SGCD: variants seen among roughly 807,000 people sequenced by gnomAD.
SGCD encodes the protein sarcoglycan delta.
In SGCD, 18 loss-of-function variants were observed where a neutral mutation model predicts 36.6. The observed-to-expected ratio is 0.49, with a 90% CI of 0.34 to 0.73. The LOEUF (loss-of-function observed/expected upper bound fraction) is 0.73, where lower values mean the gene tolerates loss of function less well. SGCD is among the 30% of genes least tolerant of loss of function. The pLI, the probability that SGCD is intolerant of heterozygous loss-of-function variation, is 0.01. For synonymous variants in SGCD, 133 were observed against 130.6 expected (o/e 1.02, Z -0.12); for missense variants, 387 against 346.7 (o/e 1.12, Z -0.92).
At chr5:156,670,339 A>T (rs1407082057) in intron 7 of SGCD, among the ~76,000 whole-genome samples, 1 of 152,164 alleles carries the variant, frequency 6.6e-6, no homozygotes, top group Non-Finnish European at 1.5e-5. Context: ...AAATAGAGTA[A>T]TGTGATTTTA....
At chr5:156,129,110 G>A (rs1453678785) in intron 3 of SGCD, among the ~76,000 whole-genome samples, 1 of 152,132 alleles carries the variant, frequency 6.6e-6, no homozygotes, top group Non-Finnish European at 1.5e-5. Context: ...GAAATGTTCT[G>A]TGTCTTGATA....
intron 3 of SGCD, among the ~76,000 whole-genome samples, chr5:156,484,652 C>A (rs1421272865): frequency 2.6e-5 from 4 of 152,058 alleles, no homozygotes; most frequent in Non-Finnish European, 5.9e-5. Flanking sequence ...TATTCCTGTA[C>A]CTGGTCTCAT....
intron 1 of SGCD, among the ~76,000 whole-genome samples, chr5:155,874,951 A>C (rs1017439949): frequency 6.6e-6 from 1 of 152,146 alleles, no homozygotes; most frequent in South Asian, 2.1e-4. Flanking sequence ...TCCACATAAA[A>C]GAACTGTAGA....
the SGCD span, among the ~76,000 whole-genome samples, chr5:155,737,911 G>A: frequency 1.2e-4 from 18 of 152,068 alleles, no homozygotes; most frequent in Admixed American, 1.2e-3. Context: ...TGGTGTAATG[G>A]GACAGTGGGG....
rs746728739 is a variant in SGCD, at chr5:156,281,071, C to T, written c.-43-48463C>T. On this transcript the variant is annotated intron_variant, in intron 3 of 9. Transcript: ENST00000517913. ...ACATTAATTGTGTACATACAGAATT[C>T]GAGGGACTATCTAAGTGATGTTTAT... Among the ~76,000 whole-genome samples the T allele has an allele frequency of 3.9e-4, 59 of 152,006 alleles. 1 individual carries two copies. The highest frequency in any genetic ancestry group is 2.6e-3 in the Admixed American group (39 of 15,250).
rs143262199 is a variant in SGCD at position 156,565,463 on chromosome 5, T to G, written c.295-23768T>G. Among the ~76,000 whole-genome samples the G allele has an allele frequency of 2.2e-3, 332 of 152,302 alleles. 1 individual carries two copies. The highest frequency in any genetic ancestry group is 7.5e-3 in the African/African-American group (312 of 41,568). On this transcript the variant is annotated intron_variant, in intron 4 of 8. Coordinates refer to ENST00000337851, the MANE Select transcript of SGCD (RefSeq NM_000337.6). ...TCCTACACATGCCTATTGACCAAATTACATAAATCAAAGTAATTGTTCACT... is the reference window on the plus strand; with the variant it reads ...TCCTACACATGCCTATTGACCAAATGACATAAATCAAAGTAATTGTTCACT...
At chr5:155,946,732 A>C (rs914349678) in intron 1 of SGCD, among the ~76,000 whole-genome samples, 1 of 152,224 alleles carries the variant, frequency 6.6e-6, no homozygotes, top group Non-Finnish European at 1.5e-5. Flanking sequence ...AACTAGTTAT[A>C]GCATATCTCC....
intron 3 of SGCD, among the ~76,000 whole-genome samples, chr5:156,423,384 T>C (rs1227249295): frequency 1.3e-4 from 13 of 99,382 alleles, no homozygotes; most frequent in Non-Finnish European, 1.7e-4. Flanking sequence ...TATTATAATA[T>C]AATATATTAT....
intron 4 of SGCD, among the ~76,000 whole-genome samples, chr5:156,566,456 C>T (rs1481233894): frequency 6.6e-6 from 1 of 152,130 alleles, no homozygotes; most frequent in Non-Finnish European, 1.5e-5. Context: ...CCCATGCTAA[C>T]TTGAGCTGAA....
rs185607377 is a variant in SGCD at position 156,488,720 on chromosome 5, T to C, written c.193-19881T>C. Among the ~76,000 whole-genome samples the C allele has an allele frequency of 1.1e-3, 172 of 152,034 alleles. 1 individual carries two copies. Among genetic ancestry groups the C allele is most frequent in the African/African-American group, 3.9e-3 (163 of 41,490 alleles). On this transcript the variant is annotated intron_variant, in intron 3 of 8. Coordinates refer to ENST00000337851, the MANE Select transcript of SGCD (RefSeq NM_000337.6). ...ATGAAAACACATAAAAGTATAAAACTCACTGCTAGAGCAGATACACAAATC... is the reference window on the plus strand; with the variant it reads ...ATGAAAACACATAAAAGTATAAAACCCACTGCTAGAGCAGATACACAAATC...
chr5:156,165,063 T>A (rs1437032006), intron 3 of SGCD, among the ~76,000 whole-genome samples: 1 of 152,210 alleles, frequency 6.6e-6, no homozygotes, highest in Non-Finnish European at 1.5e-5. Context: ...ATATTAAATG[T>A]GTATTTTGTT....
At chr5:156,342,843 A>C (rs891197509) in intron 2 of SGCD, among the ~76,000 whole-genome samples, 7 of 152,232 alleles carry the variant, frequency 4.6e-5, no homozygotes, top group African/African-American at 1.7e-4. Context: ...CAGATGGGAA[A>C]TCATTCATTG....
intron 1 of SGCD, among the ~76,000 whole-genome samples, chr5:155,949,963 TA>T (rs1304679818): frequency 2.6e-5 from 4 of 152,338 alleles, no homozygotes; most frequent in African/African-American, 9.6e-5. Flanking sequence ...GCGCCTGGAA[TA>T]AAATGTAATG....
At chr5:155,874,730 A>G (rs1755730708) in intron 1 of SGCD, among the ~76,000 whole-genome samples, 1 of 152,092 alleles carries the variant, frequency 6.6e-6, no homozygotes, top group African/African-American at 2.4e-5. Context: ...TACCCCTAGA[A>G]AGGCCAAAAT....
intron 3 of SGCD, among the ~76,000 whole-genome samples, chr5:156,291,255 T>TTGTTCCCAAAACAAAGAAA (rs1308616911): frequency 1.3e-5 from 2 of 152,102 alleles, no homozygotes; most frequent in Non-Finnish European, 2.9e-5. Flanking sequence ...AGAACTTGAA[T>TTGTTCCCAAAACAAAGAAA]TGTTCCCAAA....
intron 1 of SGCD, among the ~76,000 whole-genome samples, chr5:156,034,292 C>T (rs540591277): frequency 6.3e-4 from 96 of 152,286 alleles, no homozygotes; most frequent in African/African-American, 2.3e-3. Flanking sequence ...TTCTGATGAA[C>T]CTTCCTCCAC....
chr5:155,978,669 A>G (rs767956318), intron 1 of SGCD, among the ~76,000 whole-genome samples: 2 of 152,202 alleles, frequency 1.3e-5, no homozygotes, highest in African/African-American at 2.4e-5. Context: ...GTGGCCTTTC[A>G]TGCTGCCACC....
chr5:156,284,588 T>C (rs532324443), intron 3 of SGCD, among the ~76,000 whole-genome samples: 144 of 152,266 alleles, frequency 9.5e-4, no homozygotes, highest in African/African-American at 3.3e-3. Context: ...ATTATCTCAA[T>C]AGATGCAGAA....
chr5:156,456,410 A>G (rs921572617), intron 3 of SGCD, among the ~76,000 whole-genome samples: 2 of 152,180 alleles, frequency 1.3e-5, no homozygotes, highest in African/African-American at 4.8e-5. Context: ...AAACCAAAAC[A>G]AGGAGCGTGC....
Sources: gnomAD v4.1 joint callset for allele counts (sites outside exome capture counted in the v4.1 genomes callset) on GRCh38, gnomAD v4.1.1 for gene constraint, MANE v1.5 for transcripts, NCBI Gene and HGNC (gene_info 2026-07-23, HGNC 2026-07-21) for gene names.